Variants in TNFSF4 observed in about 807,000 individuals in gnomAD.
The protein encoded by TNFSF4 is TNF superfamily member 4, also known as tumor necrosis factor ligand superfamily member 4.
A neutral mutation model predicts 7.3 loss-of-function variants in TNFSF4; 4 were observed. The ratio of observed to expected loss-of-function variants is 0.55; its 90% CI spans 0.27 to 1.25. TNFSF4 has a LOEUF of 1.25. TNFSF4 is among the 50% of genes most tolerant of loss of function. The probability of loss-of-function intolerance (pLI) is 0.12; values close to 1 mark genes in which losing one functional copy is unlikely to be tolerated. For missense variants in TNFSF4, 181 were observed against 208.8 expected, an observed-to-expected ratio of 0.87 and a Z score of 0.82; for synonymous variants, 76 against 83.7, an observed-to-expected ratio of 0.91 and a Z score of 0.50.
At chr1:173,338,151 C>A in the TNFSF4 span, among the ~76,000 whole-genome samples, 1 of 152,204 alleles carries the variant, frequency 6.6e-6, no homozygotes, top group African/African-American at 2.4e-5. Flanking sequence ...GAGTCCCCAG[C>A]ATGGTACCAT....
chr1:173,362,742 T>C, the TNFSF4 span: 1 of 395,106 alleles, frequency 2.5e-6, no homozygotes, highest in South Asian at 2.2e-5. Context: ...TCAACACATC[T>C]TGAAGATACT....
the TNFSF4 span, among the ~76,000 whole-genome samples, chr1:173,399,704 G>T: frequency 6.6e-6 from 1 of 152,046 alleles, no homozygotes; most frequent in Non-Finnish European, 1.5e-5. Flanking sequence ...AATGGACAGG[G>T]TGACCTATTC....
chr1:173,243,430 C>A, the TNFSF4 span, among the ~76,000 whole-genome samples: 5 of 152,176 alleles, frequency 3.3e-5, no homozygotes, highest in Non-Finnish European at 7.4e-5. Flanking sequence ...ATTTGCGGGT[C>A]TCTTCCCATC....
the TNFSF4 span, among the ~76,000 whole-genome samples, chr1:173,415,438 AGAATAAAGG>A: frequency 6.6e-6 from 1 of 152,226 alleles, no homozygotes; most frequent in African/African-American, 2.4e-5. Context: ...AAGATAGAAG[AGAATAAAGG>A]GAAGAAAACA....
chr1:173,345,423 T>C, the TNFSF4 span, among the ~76,000 whole-genome samples: 1 of 152,198 alleles, frequency 6.6e-6, no homozygotes, highest in Non-Finnish European at 1.5e-5. Flanking sequence ...GACCTCAGTA[T>C]AGACAGACCT....
chr1:173,219,265 TA>T, the TNFSF4 span, among the ~76,000 whole-genome samples: 4 of 152,196 alleles, frequency 2.6e-5, no homozygotes, highest in Non-Finnish European at 5.9e-5. Context: ...TATCACTGCA[TA>T]AGGGTGGTTA....
the TNFSF4 span, among the ~76,000 whole-genome samples, chr1:173,281,777 G>C: frequency 6.6e-6 from 1 of 152,108 alleles, no homozygotes; most frequent in Non-Finnish European, 1.5e-5. Context: ...TGAGACATTT[G>C]CTAAATGCTT....
chr1:173,363,210 T>C, the TNFSF4 span: 2 of 284,408 alleles, frequency 7.0e-6, no homozygotes, highest in Non-Finnish European at 1.4e-5. Context: ...TCCAAACATG[T>C]CTTTGATTGT....
At chr1:173,348,997 T>C in the TNFSF4 span, among the ~76,000 whole-genome samples, 1 of 152,182 alleles carries the variant, frequency 6.6e-6, no homozygotes, top group African/African-American at 2.4e-5. Flanking sequence ...ATCTTCACTT[T>C]AAGTTTCCCT....
the TNFSF4 span, among the ~76,000 whole-genome samples, chr1:173,307,920 T>C: frequency 6.6e-6 from 1 of 151,928 alleles, no homozygotes; most frequent in Non-Finnish European, 1.5e-5. Context: ...CTCAAAATTA[T>C]GCATGATTAG....
chr1:173,351,853 C>T, the TNFSF4 span: 4 of 600,256 alleles, frequency 6.7e-6, no homozygotes, highest in East Asian at 3.3e-5. Flanking sequence ...AATGGCACAA[C>T]TGTCCATGTA....
the TNFSF4 span, among the ~76,000 whole-genome samples, chr1:173,341,165 C>A: frequency 2.0e-5 from 3 of 152,156 alleles, no homozygotes; most frequent in Non-Finnish European, 4.4e-5. Flanking sequence ...GTCAATTAAA[C>A]CTCTTTCTTT....
chr1:173,181,079 A>C (rs1649048892), downstream of TNFSF4, among the ~76,000 whole-genome samples: 1 of 152,232 alleles, frequency 6.6e-6, no homozygotes, highest in African/African-American at 2.4e-5. Context: ...GGATTATAGA[A>C]TGTTATACCT....
the TNFSF4 span, among the ~76,000 whole-genome samples, chr1:173,447,662 T>C: frequency 1.3e-5 from 2 of 150,258 alleles, no homozygotes; most frequent in Non-Finnish European, 3.0e-5. Flanking sequence ...GACAGCAAAA[T>C]ACAGAAAAAA....
the TNFSF4 span, among the ~76,000 whole-genome samples, chr1:173,300,957 G>C: frequency 4.7e-4 from 4 of 8,446 alleles, no homozygotes. Flanking sequence ...TACTGTTTGA[G>C]AAACGTAATT....
At chr1:173,269,360 ATTCT>A in the TNFSF4 span, among the ~76,000 whole-genome samples, 1 of 152,044 alleles carries the variant, frequency 6.6e-6, no homozygotes. Flanking sequence ...CAGATAAGAG[ATTCT>A]TTCTTACCAT....
the TNFSF4 span, among the ~76,000 whole-genome samples, chr1:173,354,627 A>G: frequency 6.6e-6 from 1 of 152,302 alleles, no homozygotes; most frequent in South Asian, 2.1e-4. Context: ...TGAATACATC[A>G]TTGTTAATTC....
At chr1:173,377,532 T>C in the TNFSF4 span, among the ~76,000 whole-genome samples, 1 of 152,262 alleles carries the variant, frequency 6.6e-6, no homozygotes, top group South Asian at 2.1e-4. Context: ...CCATCTATCC[T>C]ATCGATCCTG....
At chr1:173,190,803 C>T (rs1452175549) in intron 1 of TNFSF4, among the ~76,000 whole-genome samples, 2 of 152,194 alleles carry the variant, frequency 1.3e-5, no homozygotes, top group Non-Finnish European at 2.9e-5. Flanking sequence ...GCACAAACAG[C>T]ACAGGCCTCA....
Sources: allele counts gnomAD v4.1 joint callset (sites outside exome capture counted in the v4.1 genomes callset), GRCh38; gene constraint gnomAD v4.1.1; transcripts MANE v1.5; gene names NCBI Gene and HGNC (gene_info 2026-07-23, HGNC 2026-07-21).